Variants in EYA1 observed in about 807,000 individuals in gnomAD.
The protein encoded by EYA1 is protein phosphatase EYA1.
Under a neutral mutation model 82.0 loss-of-function variants are expected in EYA1, and 16 were observed. The ratio of observed to expected loss-of-function variants is 0.20; its 90% confidence interval spans 0.13 to 0.30. The LOEUF (loss-of-function observed/expected upper bound fraction) is 0.30. Ranked by LOEUF, EYA1 falls within the 10% of genes least tolerant of loss-of-function variation. EYA1 has a pLI of 1.00. For synonymous variants in EYA1, 261 were observed against 264.4 expected (o/e 0.99, Z 0.12); for missense variants, 633 against 730.7 (o/e 0.87, Z 1.54).
At chr8:71,371,810 C>A (rs1488010203) in intron 2 of EYA1, among the ~76,000 whole-genome samples, 2 of 151,978 alleles carry the variant, frequency 1.3e-5, no homozygotes, top group African/African-American at 4.8e-5. Context: ...TTTAAAGGAA[C>A]ATCTAACAAC....
At chr8:71,358,022 G>T (rs911355641) in intron 1 of EYA1, among the ~76,000 whole-genome samples, 1 of 150,800 alleles carries the variant, frequency 6.6e-6, no homozygotes, top group Non-Finnish European at 1.5e-5. Context: ...TTATAGGTGA[G>T]AACTAACTTA....
intron 2 of EYA1, among the ~76,000 whole-genome samples, chr8:71,444,073 C>T (rs192399339): frequency 2.0e-5 from 3 of 152,302 alleles, no homozygotes; most frequent in Non-Finnish European, 4.4e-5. Flanking sequence ...TTTGCCACAG[C>T]CATTTGTTCC....
chr8:71,427,202 T>A (rs544716995), intron 2 of EYA1, among the ~76,000 whole-genome samples: 9 of 152,316 alleles, frequency 5.9e-5, no homozygotes, highest in African/African-American at 2.2e-4. Context: ...TTTTTGGATA[T>A]TGATGTTGGT....
intron 2 of EYA1, among the ~76,000 whole-genome samples, chr8:71,379,656 G>A (rs1828580829): frequency 6.6e-6 from 1 of 152,064 alleles, no homozygotes; most frequent in African/African-American, 2.4e-5. Flanking sequence ...AACTTCTTCT[G>A]TGCCCAAAAC....
intron 2 of EYA1, among the ~76,000 whole-genome samples, chr8:71,446,825 T>C (rs1806921379): frequency 6.6e-6 from 1 of 152,160 alleles, no homozygotes; most frequent in Non-Finnish European, 1.5e-5. Context: ...TTACTGTCTA[T>C]TTGTCTGAGA....
chr8:71,208,537 T>G (rs1299743876), intron 17 of EYA1, among the ~76,000 whole-genome samples: 2 of 152,190 alleles, frequency 1.3e-5, no homozygotes, highest in Non-Finnish European at 2.9e-5. Flanking sequence ...AAAGTTTTCA[T>G]GTCCGCTCTA....
In EYA1 at chr8:71,230,485, C is replaced by T. The variant is rs141265104; in HGVS notation, c.1141-13462G>A. ...CGCTGAGGCACCACTATGCTGCAGG[C>T]ACCGGCCAGGAGCTCCAGATTCTGT... On this transcript the variant is annotated intron_variant, in intron 12 of 17. Transcript: ENST00000340726. Among the ~76,000 whole-genome samples the T allele has an allele frequency of 6.4e-4, 97 of 152,318 alleles. 1 individual carries two copies. The East Asian group carries it at 0.018, about 28-fold the overall frequency.
chr8:71,491,904 T>C (rs1811023080), intron 2 of EYA1, among the ~76,000 whole-genome samples: 1 of 152,134 alleles, frequency 6.6e-6, no homozygotes, highest in Admixed American at 6.5e-5. Flanking sequence ...AATTAAAATG[T>C]AGATTTTTTT....
intron 2 of EYA1, among the ~76,000 whole-genome samples, chr8:71,490,475 T>C (rs1300858764): frequency 1.3e-5 from 2 of 152,176 alleles, no homozygotes; most frequent in Non-Finnish European, 2.9e-5. Context: ...ATGTTTTTAA[T>C]AAAATAAGTA....
At chr8:71,511,030 CT>C (rs1322693007) in intron 2 of EYA1, among the ~76,000 whole-genome samples, 1 of 152,132 alleles carries the variant, frequency 6.6e-6, no homozygotes, top group African/African-American at 2.4e-5. Flanking sequence ...TCTAACTACT[CT>C]GACCCCAGCT....
chr8:71,279,820 T>C (rs1817613971), intron 9 of EYA1, among the ~76,000 whole-genome samples: 1 of 152,224 alleles, frequency 6.6e-6, no homozygotes, highest in Non-Finnish European at 1.5e-5. Flanking sequence ...TTACCAACAC[T>C]ATAAACATTT....
intron 2 of EYA1, among the ~76,000 whole-genome samples, chr8:71,379,255 T>G (rs1182103821): frequency 2.0e-5 from 3 of 152,036 alleles, no homozygotes; most frequent in Non-Finnish European, 4.4e-5. Flanking sequence ...CAGCCACACC[T>G]GTACATACTC....
chr8:71,390,021 A>G (rs1829186406), intron 2 of EYA1, among the ~76,000 whole-genome samples: 1 of 152,022 alleles, frequency 6.6e-6, no homozygotes, highest in Non-Finnish European at 1.5e-5. Flanking sequence ...TTTCTTTTGC[A>G]TTTAGTAATA....
chr8:71,416,187 C>G (rs534807905), intron 2 of EYA1, among the ~76,000 whole-genome samples: 2 of 152,208 alleles, frequency 1.3e-5, no homozygotes, highest in East Asian at 1.9e-4. Flanking sequence ...TTTCCCTGCT[C>G]CCTCCTGCTT....
Position 71,197,678 on chromosome 8 carries a change from G to C in EYA1, c.*1662C>G, listed in dbSNP as rs1299037130. 6.6e-6 allele frequency: 1 copy of C among 152,616 alleles called. No homozygotes were observed. Among genetic ancestry groups the C allele is most frequent in the Non-Finnish European group, 1.5e-5 (1 of 68,036 alleles). The allele number at this position is 152,616 out of a possible 1,614,324, so 9.5% of individuals were successfully genotyped here. A position where few individuals can be genotyped will look rare whatever the true frequency, so the allele number is the denominator to read the frequency against. On this transcript the variant is annotated 3_prime_UTR_variant, in exon 18 of 18. Transcript: ENST00000340726. ...TAAACAATTTGGATAATTCACAAAT[G>C]ACTATTTCTAGCAGCAACACACAAC... is the stretch of plus-strand genomic sequence containing the variant.
chr8:71,457,084 T>A (rs1429307422), intron 2 of EYA1, among the ~76,000 whole-genome samples: 1 of 151,830 alleles, frequency 6.6e-6, no homozygotes, highest in Admixed American at 6.6e-5. Flanking sequence ...AACAACCCCA[T>A]CAAAAAGTGG....
chr8:71,384,744 G>C (rs1279656449), intron 2 of EYA1, among the ~76,000 whole-genome samples: 2 of 152,150 alleles, frequency 1.3e-5, no homozygotes, highest in Non-Finnish European at 2.9e-5. Context: ...TTGTGTCTTA[G>C]AAAGGCAAAA....
chr8:71,367,324 T>C (rs1245173020), intron 2 of EYA1, among the ~76,000 whole-genome samples: 5 of 152,132 alleles, frequency 3.3e-5, no homozygotes, highest in Non-Finnish European at 5.9e-5. Context: ...TATTATATCA[T>C]AAACACTTGA....
At chr8:71,275,540 A>T (rs1255264865) in intron 9 of EYA1, among the ~76,000 whole-genome samples, 1 of 152,184 alleles carries the variant, frequency 6.6e-6, no homozygotes, top group Non-Finnish European at 1.5e-5. Flanking sequence ...GTTGTTAAAG[A>T]AATGCAGTGT....
Sources: gnomAD v4.1 joint callset for allele counts (sites outside exome capture counted in the v4.1 genomes callset) on GRCh38, gnomAD v4.1.1 for gene constraint, MANE v1.5 for transcripts, NCBI Gene and HGNC (gene_info 2026-07-23, HGNC 2026-07-21) for gene names.